Variants in ACYP2 observed in about 807,000 individuals in gnomAD.
ACYP2 encodes the protein acylphosphatase-2.
Under a neutral mutation model 11.2 loss-of-function variants are expected in ACYP2, and 12 were observed. The ratio of observed to expected loss-of-function variants is 1.08; its 90% CI spans 0.69 to 1.74. The LOEUF (loss-of-function observed/expected upper bound fraction) is 1.74, where lower values mean the gene tolerates loss of function less well. Ranked by LOEUF, ACYP2 falls within the 40% of genes most tolerant of loss-of-function variation. The pLI is 0.00. For missense variants in ACYP2, 134 were observed against 101.9 expected (o/e 1.31, Z -1.35); for synonymous variants, 43 against 32.2 (o/e 1.33, Z -1.13).
intron 4 of ACYP2, among the ~76,000 whole-genome samples, chr2:54,089,053 T>C (rs1418861519): frequency 1.3e-5 from 2 of 152,248 alleles, no homozygotes; most frequent in Non-Finnish European, 2.9e-5. Flanking sequence ...TCTATGCTAA[T>C]AGGTTTCAGA....
At chr2:54,055,898 G>A (rs1432948178) in intron 3 of ACYP2, among the ~76,000 whole-genome samples, 1 of 152,146 alleles carries the variant, frequency 6.6e-6, no homozygotes, top group Non-Finnish European at 1.5e-5. Context: ...GTGTAGTACT[G>A]TCAGATATAG....
chr2:54,173,997 A>C (rs1197035768), intron 6 of ACYP2, among the ~76,000 whole-genome samples: 3 of 152,076 alleles, frequency 2.0e-5, no homozygotes, highest in African/African-American at 7.2e-5. Context: ...TTGGCTTAGG[A>C]TTGTCTTGGC....
At chr2:53,980,281 A>T (rs1183460930) in intron 2 of ACYP2, among the ~76,000 whole-genome samples, 1 of 152,010 alleles carries the variant, frequency 6.6e-6, no homozygotes, top group Non-Finnish European at 1.5e-5. Flanking sequence ...TAAACCTGGG[A>T]GGTGGAAGCT....
chr2:54,027,918 C>T (rs1405004052), intron 2 of ACYP2, among the ~76,000 whole-genome samples: 2 of 145,986 alleles, frequency 1.4e-5, no homozygotes, highest in Non-Finnish European at 3.0e-5. Context: ...CAGCTCACTG[C>T]TGCAACCTCC....
intron 6 of ACYP2, chr2:54,223,048 T>G (rs1685865474): frequency 6.6e-6 from 1 of 152,170 alleles, no homozygotes; most frequent in Non-Finnish European, 1.5e-5. Context: ...CCCAACAACT[T>G]TGGAGTCATG....
In ACYP2 at chr2:54,280,323, G is replaced by A. The variant is rs140065545; in HGVS notation, c.405-24365G>A. Among the ~76,000 whole-genome samples, 29 of 152,264 alleles carry A rather than the reference G, an allele frequency of 1.9e-4. No homozygotes were observed. The East Asian group carries it at 5.4e-3, about 28-fold the overall frequency. ...TCTGTGACTGCCCAGATTCTGCCAAGTTTCAGAATGCAGGAGGAAGAGCAC... is the reference window on the plus strand; with the variant it reads ...TCTGTGACTGCCCAGATTCTGCCAAATTTCAGAATGCAGGAGGAAGAGCAC... On this transcript the variant is annotated intron_variant, in intron 6 of 6. Transcript: ENST00000607452.
chr2:54,291,481 C>T lies in ACYP2; in HGVS notation c.405-13207C>T, dbSNP rs114603088. On this transcript the variant is annotated intron_variant, in intron 6 of 6. Transcript: ENST00000607452. ...AGTAGACGTGGTATATTGGCTTGGT[C>T]GACCTCTATTCCAAACTCCTTCTGG... Among the ~76,000 whole-genome samples, 450 of 152,300 alleles carry T rather than the reference C, an allele frequency of 3.0e-3. 4 individuals are homozygous for T. Among genetic ancestry groups the T allele is most frequent in the African/African-American group, 0.01 (424 of 41,554 alleles).
chr2:54,254,720 G>T, intron 6 of ACYP2: 2 of 577,544 alleles, frequency 3.5e-6, no homozygotes, highest in South Asian at 2.4e-5. Context: ...ATGCAGAATA[G>T]CAAGACGACC....
intron 4 of ACYP2, among the ~76,000 whole-genome samples, chr2:54,066,202 C>T (rs563264952): frequency 1.1e-4 from 16 of 152,284 alleles, no homozygotes; most frequent in African/African-American, 3.4e-4. Flanking sequence ...CGGCAGTTTT[C>T]CTCATGCTGT....
intron 6 of ACYP2, among the ~76,000 whole-genome samples, chr2:54,177,592 T>C (rs968853111): frequency 1.0e-4 from 12 of 118,406 alleles, no homozygotes. Context: ...TTTTTTTTTT[T>C]CTGGAAACGG....
intron 6 of ACYP2, among the ~76,000 whole-genome samples, chr2:54,189,224 C>T (rs898109992): frequency 7.2e-5 from 11 of 152,138 alleles, no homozygotes; most frequent in African/African-American, 2.7e-4. Context: ...CCAAATATAA[C>T]ATGCTATTAT....
At chr2:54,271,698 G>C (rs74749173) in intron 6 of ACYP2, among the ~76,000 whole-genome samples, 1,577 of 151,892 alleles carry the variant, frequency 0.01, 26 homozygotes, top group African/African-American at 0.036. Context: ...TGCAATACCA[G>C]GACCTCAGTA....
intron 2 of ACYP2, among the ~76,000 whole-genome samples, chr2:54,047,902 C>T (rs1476825765): frequency 1.3e-5 from 2 of 152,142 alleles, no homozygotes; most frequent in African/African-American, 4.8e-5. Context: ...GAAGAAAACT[C>T]GTCAATGGCT....
chr2:54,160,420 G>A (rs55765824), intron 6 of ACYP2, among the ~76,000 whole-genome samples: 1,584 of 152,336 alleles, frequency 0.01, 36 homozygotes, highest in African/African-American at 0.036. Flanking sequence ...AAAGGGAGAG[G>A]GGGGAGAGGT....
chr2:54,006,780 A>T (rs1014620288), intron 2 of ACYP2, among the ~76,000 whole-genome samples: 1 of 152,142 alleles, frequency 6.6e-6, no homozygotes, highest in Non-Finnish European at 1.5e-5. Context: ...GGGAAGCCAC[A>T]GATATTGTGA....
At chr2:54,189,754 A>T (rs843673) in intron 6 of ACYP2, among the ~76,000 whole-genome samples, 62,485 of 151,924 alleles carry the variant, frequency 0.41, 13,683 homozygotes, top group East Asian at 0.71. Context: ...ATATGACAGT[A>T]CTACTTTTAA....
chr2:54,091,347 T>A (rs1678214922), intron 4 of ACYP2, among the ~76,000 whole-genome samples: 1 of 152,088 alleles, frequency 6.6e-6, no homozygotes, highest in African/African-American at 2.4e-5. Flanking sequence ...GGAAAAAAGA[T>A]GAGAAAAAAT....
intron 6 of ACYP2, among the ~76,000 whole-genome samples, chr2:54,233,348 C>T (rs1442816525): frequency 6.7e-6 from 1 of 149,966 alleles, no homozygotes; most frequent in Non-Finnish European, 1.5e-5. Context: ...ACACTGTGGC[C>T]CAAGCTGGAG....
intron 6 of ACYP2, among the ~76,000 whole-genome samples, chr2:54,195,542 T>C (rs997326326): frequency 1.4e-5 from 2 of 147,268 alleles, no homozygotes; most frequent in Non-Finnish European, 3.0e-5. Context: ...GATCCCAAAC[T>C]CCATCCTCCA....
Sources: gnomAD v4.1 joint callset for allele counts (sites outside exome capture counted in the v4.1 genomes callset) on GRCh38, gnomAD v4.1.1 for gene constraint, MANE v1.5 for transcripts, NCBI Gene and HGNC (gene_info 2026-07-23, HGNC 2026-07-21) for gene names.